PDE4D: variants seen among roughly 807,000 people sequenced by gnomAD.
PDE4D encodes 3',5'-cyclic-AMP phosphodiesterase 4D.
Under a neutral mutation model 87.4 loss-of-function variants are expected in PDE4D, and 24 were observed. The ratio of observed to expected loss-of-function variants is 0.27; its 90% CI spans 0.20 to 0.39. The LOEUF (loss-of-function observed/expected upper bound fraction) is 0.39, where lower values mean the gene tolerates loss of function less well. Among genes scored for constraint, PDE4D ranks in the 10% least tolerant of loss-of-function variants. PDE4D has a pLI of 1.00. For missense variants in PDE4D, 714 were observed against 1,041.0 expected, an observed-to-expected ratio of 0.69 and a Z score of 4.32; for synonymous variants, 384 against 383.2, an observed-to-expected ratio of 1.00 and a Z score of -0.02.
chr5:59,442,165 T>A (rs1167478596), intron 1 of PDE4D, among the ~76,000 whole-genome samples: 2 of 152,188 alleles, frequency 1.3e-5, no homozygotes, highest in African/African-American at 2.4e-5. Flanking sequence ...TAATGAAAGA[T>A]AAGGCTTTGT....
At chr5:59,268,539 G>T (rs1418504550) in intron 1 of PDE4D, among the ~76,000 whole-genome samples, 2 of 151,966 alleles carry the variant, frequency 1.3e-5, no homozygotes, top group Non-Finnish European at 2.9e-5. Flanking sequence ...TGGTGCTTGT[G>T]GCTGAAGTAT....
At chr5:59,917,222 C>T (rs916411862) in intron 3 of PDE4D, among the ~76,000 whole-genome samples, 1 of 152,030 alleles carries the variant, frequency 6.6e-6, no homozygotes, top group African/African-American at 2.4e-5. Context: ...TTATGTAGAG[C>T]ATGATACTAA....
chr5:59,741,221 C>G (rs185353216), intron 1 of PDE4D, among the ~76,000 whole-genome samples: 1 of 152,166 alleles, frequency 6.6e-6, no homozygotes, highest in Non-Finnish European at 1.5e-5. Context: ...ACCTTGGACA[C>G]TTTTCTGTGC....
chr5:59,666,418 A>T (rs1343232058), intron 1 of PDE4D, among the ~76,000 whole-genome samples: 1 of 152,202 alleles, frequency 6.6e-6, no homozygotes, highest in Admixed American at 6.5e-5. Context: ...CAACCAACAA[A>T]CAAAAAATCT....
intron 1 of PDE4D, among the ~76,000 whole-genome samples, chr5:59,377,289 C>T (rs1004994393): frequency 5.3e-5 from 8 of 151,840 alleles, no homozygotes; most frequent in Middle Eastern, 6.4e-3. Flanking sequence ...TGGTGGCGGG[C>T]GCCTGTAGTC....
chr5:59,782,752 A>T (rs930832817), intron 1 of PDE4D, among the ~76,000 whole-genome samples: 2 of 152,266 alleles, frequency 1.3e-5, no homozygotes, highest in Non-Finnish European at 2.9e-5. Flanking sequence ...TTCATTTAAG[A>T]AATAGTAAAT....
intron 1 of PDE4D, among the ~76,000 whole-genome samples, chr5:59,352,147 G>T (rs1349367659): frequency 1.3e-5 from 2 of 152,154 alleles, no homozygotes; most frequent in South Asian, 2.1e-4. Context: ...GATTGGGAAT[G>T]GTTCCTGGTG....
chr5:60,506,685 G>A (rs1750338714), intron 1 of PDE4D, among the ~76,000 whole-genome samples: 1 of 152,112 alleles, frequency 6.6e-6, no homozygotes, highest in Non-Finnish European at 1.5e-5. Context: ...GGTTTAAGAT[G>A]AAATGATACT....
chr5:59,315,669 A>G (rs1405952203), intron 1 of PDE4D, among the ~76,000 whole-genome samples: 2 of 152,154 alleles, frequency 1.3e-5, no homozygotes. Context: ...CAACTTTGCG[A>G]TAAAACCCTA....
Position 59,254,080 on chromosome 5 carries a change from AAAGAT to A in PDE4D, c.456-38117_456-38113del, listed in dbSNP as rs1350667457. 5.9e-5 allele frequency among the ~76,000 whole-genome samples: 9 copies of A among 152,282 alleles called. 2 individuals carry two copies. The highest frequency in any genetic ancestry group is 2.2e-4 in the African/African-American group (9 of 41,580). Reference sequence around the variant, plus strand: ...AAAATAAGACAGCTGATTCTCAAGCAAAGATGAGAACAAACACAAAGCCCTTCCAG... The same window carrying A: ...AAAATAAGACAGCTGATTCTCAAGCAGAGAACAAACACAAAGCCCTTCCAG... On this transcript the variant is annotated intron_variant, in intron 1 of 14. Coordinates refer to ENST00000340635, the MANE Select transcript of PDE4D (RefSeq NM_001104631.2).
At chr5:59,500,107 CAG>C (rs1808025902) in intron 1 of PDE4D, among the ~76,000 whole-genome samples, 1 of 152,024 alleles carries the variant, frequency 6.6e-6, no homozygotes, top group African/African-American at 2.4e-5. Context: ...CAAAAAGTAA[CAG>C]ATGTTGGTGA....
chr5:60,422,368 G>A (rs941353078), intron 1 of PDE4D, among the ~76,000 whole-genome samples: 7 of 152,288 alleles, frequency 4.6e-5, no homozygotes, highest in Non-Finnish European at 8.8e-5. Context: ...TTATAAGACA[G>A]AAAAGAGTGG....
intron 1 of PDE4D, among the ~76,000 whole-genome samples, chr5:59,575,494 A>G (rs910311908): frequency 6.6e-5 from 10 of 152,340 alleles, no homozygotes; most frequent in African/African-American, 1.9e-4. Flanking sequence ...TAGCAATAGC[A>G]TTTAGATTTT....
intron 1 of PDE4D, among the ~76,000 whole-genome samples, chr5:60,285,094 A>T (rs1210091110): frequency 6.6e-6 from 1 of 151,756 alleles, no homozygotes; most frequent in East Asian, 1.9e-4. Flanking sequence ...ACCTACATCT[A>T]ATTCTACAGT....
At chr5:60,416,416 T>G (rs1488588411) in intron 1 of PDE4D, among the ~76,000 whole-genome samples, 1 of 152,222 alleles carries the variant, frequency 6.6e-6, no homozygotes, top group Admixed American at 6.5e-5. Flanking sequence ...ACTGTCTTTA[T>G]GAGCTGTAAC....
intron 6 of PDE4D, among the ~76,000 whole-genome samples, chr5:59,018,476 A>G (rs1011529724): frequency 2.6e-5 from 4 of 152,188 alleles, no homozygotes; most frequent in Non-Finnish European, 4.4e-5. Context: ...ACTTAATTTG[A>G]CTCTGGACAC....
At chr5:60,488,590 G>C (rs1749337350), upstream of PDE4D, among the ~76,000 whole-genome samples, 1 of 151,756 alleles carries the variant, frequency 6.6e-6, no homozygotes. Context: ...GAGAATTAAT[G>C]TACCTGAAAT....
At chr5:59,487,168 T>G (rs1805302244) in intron 1 of PDE4D, among the ~76,000 whole-genome samples, 1 of 152,122 alleles carries the variant, frequency 6.6e-6, no homozygotes. Flanking sequence ...ATTTCTAGAT[T>G]GAAAACAGAA....
chr5:59,912,432 C>T (rs1270815080), intron 3 of PDE4D, among the ~76,000 whole-genome samples: 1 of 152,146 alleles, frequency 6.6e-6, no homozygotes, highest in Non-Finnish European at 1.5e-5. Flanking sequence ...AGTAAGACTG[C>T]ACTTGGTGAT....
Sources: gnomAD v4.1 joint callset for allele counts (sites outside exome capture counted in the v4.1 genomes callset) on GRCh38, gnomAD v4.1.1 for gene constraint, MANE v1.5 for transcripts, NCBI Gene and HGNC (gene_info 2026-07-23, HGNC 2026-07-21) for gene names.